IGDCC4: variants seen among roughly 807,000 people sequenced by gnomAD.
IGDCC4 encodes the protein likely ortholog of mouse neighbor of Punc E11.
A neutral mutation model predicts 116.6 loss-of-function variants in IGDCC4; 72 were observed. That is an observed-to-expected ratio of 0.62 (90% confidence interval 0.51 to 0.75). The LOEUF (loss-of-function observed/expected upper bound fraction) is 0.75, where lower values mean the gene tolerates loss of function less well. Ranked by LOEUF, IGDCC4 falls within the 30% of genes least tolerant of loss-of-function variation. The pLI is 0.00. For missense variants in IGDCC4, 1,501 were observed against 1,662.4 expected, an observed-to-expected ratio of 0.90 and a Z score of 1.69; for synonymous variants, 709 against 719.9, an observed-to-expected ratio of 0.98 and a Z score of 0.24.
chr15:65,406,681 A>T (rs2063043773), intron 3 of IGDCC4, among the ~76,000 whole-genome samples: 1 of 152,222 alleles, frequency 6.6e-6, no homozygotes, highest in African/African-American at 2.4e-5. Context: ...GGGCATAATC[A>T]AGTTGCTGTT....
At chr15:65,391,483 C>A (rs2091514595) in intron 12 of IGDCC4, among the ~76,000 whole-genome samples, 1 of 152,226 alleles carries the variant, frequency 6.6e-6, no homozygotes, top group Non-Finnish European at 1.5e-5. Flanking sequence ...CGTTAGGTCA[C>A]ACAGGGATAC....
At chr15:65,416,206 C>T (rs905530306) in intron 1 of IGDCC4, among the ~76,000 whole-genome samples, 2 of 130,868 alleles carry the variant, frequency 1.5e-5, no homozygotes, top group South Asian at 2.5e-4. Context: ...GGCGCAATCT[C>T]GGCTCACTGC....
intron 3 of IGDCC4, among the ~76,000 whole-genome samples, chr15:65,406,874 G>A (rs1194748661): frequency 6.6e-6 from 1 of 152,148 alleles, no homozygotes; most frequent in East Asian, 1.9e-4. Context: ...TAGACGTTGG[G>A]GGTGGTGGGG....
chr15:65,402,546 C>T (rs1202359777), intron 3 of IGDCC4, 59 bp from the exon 4 acceptor site: 16 of 1,540,316 alleles, frequency 1.0e-5, no homozygotes, highest in Non-Finnish European at 1.4e-5. Context: ...GGGAGGGTGG[C>T]TCATGGTAAG....
At chr15:65,420,873 C>A (rs2063183845) in intron 1 of IGDCC4, among the ~76,000 whole-genome samples, 1 of 152,168 alleles carries the variant, frequency 6.6e-6, no homozygotes, top group Non-Finnish European at 1.5e-5. Flanking sequence ...TCTTCCCCAG[C>A]ACTTCAGGGG....
At position 65,385,943 on chromosome 15, in the gene IGDCC4, TGCACAA is replaced by T; in HGVS notation, c.3062_3067del (p.Leu1021_Val1022del). 1 of 1,601,904 alleles carries T rather than the reference TGCACAA, an allele frequency of 6.2e-7. No individual in the cohort carries two copies. Among genetic ancestry groups the T allele is most frequent in the Non-Finnish European group, 8.5e-7 (1 of 1,175,730 alleles). On this transcript the variant is annotated inframe_deletion, in exon 18 of 20. Coordinates refer to ENST00000352385, the MANE Select transcript of IGDCC4 (RefSeq NM_020962.3). ...CGGGGACCAGTCCTGGGGATGGGGG[TGCACAA>T]GGGACTCCAATTCATGGGCAGCTGG...
Position 65,388,518 on chromosome 15 carries a change from G to A in IGDCC4, c.2776C>T (p.Arg926Cys), listed in dbSNP as rs202153933. 2.0e-5 allele frequency: 33 copies of A among 1,614,038 alleles called. No homozygotes were observed. The highest frequency in any genetic ancestry group is 2.3e-5 in the Non-Finnish European group (27 of 1,180,040). Residue 926 changes from arginine (R) to cysteine (C), a missense_variant, in exon 16 of 20, where the codon CGC becomes TGC. This residue lies in a region of IGDCC4 where 235 missense variants were observed against 328.0 expected (regional missense o/e 0.72). Coordinates refer to ENST00000352385, the MANE Select transcript of IGDCC4 (RefSeq NM_020962.3). ...DTRYFFKMGA[R>C]TEVGPGPFSR... ...AAAGGCCCAGGTCCCACCTCTGTGC[G>A]CGCCCCCATCTTGAAGAAGTACCGA...
At position 65,393,291 on chromosome 15, in the gene IGDCC4, G is replaced by A. The variant is rs1215574232; in HGVS notation, c.1885+70C>T. The A allele has an allele frequency of 6.8e-7, 1 of 1,465,130 alleles. No homozygotes were observed. The highest frequency in any genetic ancestry group is 9.1e-7 in the Non-Finnish European group (1 of 1,101,406). 90.8% of individuals were successfully genotyped at this position (1,465,130 alleles called of 1,614,324 possible). ...GGGCGGGGCCAGGGGGTGGGGCGCT[G>A]GGTCCCAAGGACACACGCACACCCA... On this transcript the variant is annotated intron_variant, in intron 10 of 19. Transcript: ENST00000352385. The surrounding 1 kb of genome is among the most constrained non-coding windows in gnomAD (Gnocchi z 4.6).
Position 65,395,123 on chromosome 15 carries a change from G to A in IGDCC4, c.1547C>T (p.Thr516Ile). The A allele has an allele frequency of 1.9e-6, 3 of 1,613,616 alleles. No homozygotes were observed. The highest frequency in any genetic ancestry group is 1.7e-4 in the Middle Eastern group (1 of 6,014). The change falls in exon 8 of 20, where the codon ACC (threonine) becomes ATC (isoleucine). Residue 516 changes from threonine to isoleucine, a missense_variant. Physicochemically the swap from Thr to Ile is moderately conservative, Grantham distance 89 (BLOSUM62 -1). Coordinates refer to ENST00000352385, the MANE Select transcript of IGDCC4 (RefSeq NM_020962.3). ...YSQLGASRTSTPALVHTLDDV... is the reference protein window; with the variant it reads ...YSQLGASRTSIPALVHTLDDV... Reference sequence around the variant, plus strand: ...ATCCAGTGTGTGCACCAGTGCTGGGGTGGAGGTGCGGCTGGCTCCCAGCTG... The same window carrying A: ...ATCCAGTGTGTGCACCAGTGCTGGGATGGAGGTGCGGCTGGCTCCCAGCTG...
chr15:65,419,333 C>T (rs2063170638), intron 1 of IGDCC4, among the ~76,000 whole-genome samples: 1 of 151,586 alleles, frequency 6.6e-6, no homozygotes, highest in African/African-American at 2.4e-5. Context: ...ACACAAAGTG[C>T]TGGGATTACA....
chr15:65,422,408 G>T (rs2289045), intron 1 of IGDCC4, among the ~76,000 whole-genome samples: 31,225 of 150,880 alleles, frequency 0.21, 4,226 homozygotes, highest in East Asian at 0.72. Context: ...CAAGACACGC[G>T]CAGGCAAGGC....
chr15:65,395,393 G>T, intron 7 of IGDCC4, 135 bp from the exon 8 acceptor site: 1 of 906,592 alleles, frequency 1.1e-6, no homozygotes. Flanking sequence ...CTGAGCTGGA[G>T]TGTATAAACT....
Position 65,410,299 on chromosome 15 carries a change from G to A in IGDCC4, c.442C>T (p.His148Tyr), listed in dbSNP as rs766364352. ...TCCTCCACCGTCTGAGACTCCGGGT[G>A]CAGAGAGAAGTCTGCGAGTGCTGGG... The part of the protein sequence containing the change: ...KLATLADFSL[H>Y]PESQTVEENG... The change falls in exon 3 of 20, where the codon CAC (histidine) becomes TAC (tyrosine). Residue 148 changes from histidine (H) to tyrosine (Y), a missense_variant. Transcript: ENST00000352385. 5 of 1,613,952 alleles carry A rather than the reference G, an allele frequency of 3.1e-6. No individual in the cohort carries two copies. The highest frequency in any genetic ancestry group is 3.4e-6 in the Non-Finnish European group (4 of 1,180,052).
intron 16 of IGDCC4, 109 bp downstream of exon 16, chr15:65,388,340 C>T (rs1595776589): frequency 3.4e-6 from 5 of 1,464,642 alleles, no homozygotes; most frequent in East Asian, 4.6e-5. Context: ...TTGCTCTGCC[C>T]CCACCAAACC....
rs1156845700 is a variant in IGDCC4, at chr15:65,385,975, G to C, written c.3036C>G (p.Pro1012=). 2.5e-6 allele frequency: 4 copies of C among 1,596,576 alleles called. No individual in the cohort carries two copies. The Middle Eastern group carries it at 5.4e-4, about 216-fold the overall frequency. The part of the protein sequence containing the change: ...YSRARLGPPS[P]PAAHELESLV... The stretch of plus-strand genomic sequence containing the variant: ...GGGACTCCAATTCATGGGCAGCTGG[G>C]GGGCTGGGGGGGCCAAGCCGAGCTC... The change falls in exon 18 of 20, where the codon CCC becomes CCG. Residue 1012 remains proline, a synonymous_variant. Transcript: ENST00000352385.
At chr15:65,407,588 C>T (rs2063051571) in intron 3 of IGDCC4, among the ~76,000 whole-genome samples, 1 of 152,016 alleles carries the variant, frequency 6.6e-6, no homozygotes. Flanking sequence ...GATGATCCAC[C>T]TACCTCAGCC....
At chr15:65,391,829 A>G in intron 12 of IGDCC4, 51 bp downstream of exon 12, 1 of 1,516,104 alleles carries the variant, frequency 6.6e-7, no homozygotes, top group Non-Finnish European at 9.1e-7. Context: ...GGAAGCGGCT[A>G]GCAGAGCCCT....
In IGDCC4 at chr15:65,388,914, G is replaced by A; in HGVS notation, c.2601C>T (p.His867=). ...SPLTPSTVRL[H]WCPPTEPNGE... ...CGTTGGGCTCTGTGGGGGGGCACCA[G>A]TGCAGCCGAACCGTGGACGGTGTCA... The change falls in exon 15 of 20, where the codon CAC becomes CAT. Residue 867 remains histidine, a synonymous_variant. Coordinates refer to ENST00000352385, the MANE Select transcript of IGDCC4 (RefSeq NM_020962.3). 1.2e-6 allele frequency: 2 copies of A among 1,613,726 alleles called. No individual in the cohort carries two copies. Among genetic ancestry groups the A allele is most frequent in the Non-Finnish European group, 1.7e-6 (2 of 1,179,922 alleles).
Position 65,384,170 on chromosome 15 carries a change from T to C in IGDCC4, c.3592A>G (p.Thr1198Ala). The part of the protein sequence containing the change: ...ELAAPGPDRL[T>A]CLPEAASASC... The stretch of plus-strand genomic sequence containing the variant: ...GCACTGGCTGCCTCTGGCAAGCAGG[T>C]AAGTCTGTCTGGCCCGGGGGCTGCC... Residue 1198 changes from threonine (T) to alanine (A), a missense_variant, in exon 20 of 20, where the codon ACC (threonine) becomes GCC (alanine). Coordinates refer to ENST00000352385, the MANE Select transcript of IGDCC4 (RefSeq NM_020962.3). The surrounding 1 kb of genome is among the most constrained non-coding windows in gnomAD (Gnocchi z 4.9). 1 of 1,613,414 alleles carries C rather than the reference T, an allele frequency of 6.2e-7. No homozygotes were observed. The highest frequency in any genetic ancestry group is 8.5e-7 in the Non-Finnish European group (1 of 1,179,736).
Sources: gnomAD v4.1 joint callset for allele counts (sites outside exome capture counted in the v4.1 genomes callset) on GRCh38, gnomAD v4.1.1 for gene constraint, gnomAD v4.1.1 regional missense constraint, Gnocchi (gnomAD v3.1) non-coding constraint, MANE v1.5 for transcripts, NCBI Gene and HGNC (gene_info 2026-07-23, HGNC 2026-07-21) for gene names.